DCST1: variants seen among roughly 807,000 people sequenced by gnomAD.
DCST1 encodes the protein E3 ubiquitin-protein ligase DCST1.
A neutral mutation model predicts 89.1 loss-of-function variants in DCST1; 78 were observed. The ratio of observed to expected loss-of-function variants is 0.88; its 90% CI spans 0.73 to 1.06. The LOEUF (loss-of-function observed/expected upper bound fraction) is 1.06, where lower values mean the gene tolerates loss of function less well. DCST1 is among the 50% of genes least tolerant of loss of function. The pLI, the probability that DCST1 is intolerant of heterozygous loss-of-function variation, is 0.00. For synonymous variants in DCST1, 364 were observed against 371.9 expected (o/e 0.98, Z 0.24); for missense variants, 900 against 928.6 (o/e 0.97, Z 0.40).
intron 14 of DCST1, among the ~76,000 whole-genome samples, chr1:155,047,513 G>C (rs545508986): frequency 1.3e-5 from 2 of 152,246 alleles, no homozygotes; most frequent in Admixed American, 1.3e-4. Flanking sequence ...AGTCAGAGGA[G>C]TCTGGAGGCC....
intron 4 of DCST1, among the ~76,000 whole-genome samples, chr1:155,037,134 T>C (rs1345403663): frequency 2.6e-5 from 4 of 152,186 alleles, no homozygotes; most frequent in Admixed American, 2.6e-4. Flanking sequence ...CATGCTTGTG[T>C]GCCAACATCG....
chr1:155,049,158 G>GGT (rs966330056), intron 16 of DCST1: 83 of 698,202 alleles, frequency 1.2e-4, no homozygotes, highest in Non-Finnish European at 1.9e-4. Context: ...CTATGACAAC[G>GGT]GTGTGACCTT....
At position 155,047,814 on chromosome 1, in the gene DCST1, A is replaced by T; in HGVS notation, c.1640A>T (p.Asp547Val). Residue 547 changes from aspartate to valine, a missense_variant, in exon 15 of 17, where the codon GAT becomes GTT. Transcript: ENST00000295542. ...MPCLPQPVGL[D>V]ARAYWRAAVP... ...TGCCTGCCCCAGCCTGTGGGCCTGG[A>T]TGCCAGGGCCTACTGGAGAGCTGCA... 1 of 1,614,136 alleles carries T rather than the reference A, an allele frequency of 6.2e-7. No individual in the cohort carries two copies. Among genetic ancestry groups the T allele is most frequent in the Non-Finnish European group, 8.5e-7 (1 of 1,180,030 alleles).
Position 155,045,892 on chromosome 1 carries a change from G to A in DCST1, c.1173-1G>A, listed in dbSNP as rs570244195. On this transcript the variant is annotated splice_acceptor_variant, in intron 10 of 16. Coordinates refer to ENST00000295542, the MANE Select transcript of DCST1 (RefSeq NM_152494.4). LOFTEE classifies it high-confidence loss of function. ...AGACATCCCTGCCCATCCACCCACAGGTCTTTCTCCTACATGGACAGCTAT... is the reference window on the plus strand; with the variant it reads ...AGACATCCCTGCCCATCCACCCACAAGTCTTTCTCCTACATGGACAGCTAT... 5.6e-6 allele frequency: 9 copies of A among 1,613,248 alleles called. No homozygotes were observed. Among genetic ancestry groups the A allele is most frequent in the Non-Finnish European group, 7.6e-6 (9 of 1,179,274 alleles).
At chr1:155,047,408 G>A in intron 14 of DCST1, 96 bp downstream of exon 14, 2 of 1,130,152 alleles carry the variant, frequency 1.8e-6, no homozygotes, top group Middle Eastern at 4.1e-4. Flanking sequence ...TGGGCCTTGG[G>A]TGTGGAGAGA....
chr1:155,047,643 A>G, intron 14 of DCST1, 144 bp from the exon 15 acceptor site: 1 of 710,252 alleles, frequency 1.4e-6, no homozygotes, highest in Non-Finnish European at 2.3e-6. Context: ...CAGTACTGAC[A>G]GGGCAGTTCT....
In DCST1 at chr1:155,048,057, C is replaced by G; in HGVS notation, c.1756C>G (p.Arg586Gly). Residue 586 changes from arginine (R) to glycine (G), a missense_variant and splice_region_variant, in exon 16 of 17, where the codon CGA (arginine) becomes GGA (glycine). Coordinates refer to ENST00000295542, the MANE Select transcript of DCST1 (RefSeq NM_152494.4). Reference sequence around the variant, plus strand: ...TCATTGACCCCCTTCCTGCCCCCAGCGAGAGAAGAAGCGGATCCTGTTCCT... The same window carrying G: ...TCATTGACCCCCTTCCTGCCCCCAGGGAGAGAAGAAGCGGATCCTGTTCCT... ...RVIAAFYFPKREKKRILFLYN... is the reference protein window; with the variant it reads ...RVIAAFYFPKGEKKRILFLYN... The G allele has an allele frequency of 6.2e-7, 1 of 1,613,870 alleles. No individual in the cohort carries two copies. Among genetic ancestry groups the G allele is most frequent in the African/African-American group, 1.3e-5 (1 of 74,990 alleles).
chr1:155,035,288 A>G (rs1296655097), intron 4 of DCST1: 3 of 154,216 alleles, frequency 1.9e-5, no homozygotes, highest in Non-Finnish European at 2.9e-5. Context: ...CAGCCTCCCA[A>G]GTAGCTGGGA....
chr1:155,040,232 G>A (rs1414582886), intron 5 of DCST1, among the ~76,000 whole-genome samples: 2 of 151,056 alleles, frequency 1.3e-5, no homozygotes, highest in Non-Finnish European at 2.9e-5. Context: ...GAGCCCGGGA[G>A]GCGGAGGTTG....
Position 155,041,495 on chromosome 1 carries a change from G to A in DCST1, c.630G>A (p.Glu210=), listed in dbSNP as rs759823827. The part of the protein sequence containing the change: ...QVNSETGYTP[E]DTMDSGETAQ... Reference sequence around the variant, plus strand: ...ATAGTGAGACGGGCTACACGCCTGAGGATACCATGGACTCAGGGGAGACAG... The same window carrying A: ...ATAGTGAGACGGGCTACACGCCTGAAGATACCATGGACTCAGGGGAGACAG... Residue 210 remains glutamate (E), a synonymous_variant, in exon 7 of 17, where the codon GAG becomes GAA. Transcript: ENST00000295542. 5.6e-5 allele frequency: 90 copies of A among 1,614,076 alleles called. No individual in the cohort carries two copies. The highest frequency in any genetic ancestry group is 7.2e-5 in the Non-Finnish European group (85 of 1,180,034).
intron 10 of DCST1, 55 bp from the exon 11 acceptor site, chr1:155,045,838 G>T (rs533073250): frequency 6.7e-7 from 1 of 1,487,128 alleles, no homozygotes; most frequent in Non-Finnish European, 9.4e-7. Flanking sequence ...CATGTTTGGG[G>T]ATAGATGAGG....
intron 11 of DCST1, 63 bp from the exon 12 acceptor site, chr1:155,046,062 A>G (rs1660612752): frequency 6.2e-7 from 1 of 1,613,756 alleles, no homozygotes; most frequent in African/African-American, 1.3e-5. Context: ...TGCTCCAGGA[A>G]GGCAGAGAGG....
chr1:155,047,436 G>C (rs1660689438), intron 14 of DCST1, 124 bp downstream of exon 14: 4 of 858,746 alleles, frequency 4.7e-6, no homozygotes, highest in Non-Finnish European at 7.4e-6. Flanking sequence ...TGGAGCGCTT[G>C]AGCTGGGGAA....
intron 14 of DCST1, 34 bp downstream of exon 14, chr1:155,047,346 C>A: frequency 6.3e-7 from 1 of 1,580,554 alleles, no homozygotes; most frequent in Non-Finnish European, 8.7e-7. Context: ...TCAGAGGAAT[C>A]GAGGGCGGTG....
At chr1:155,043,209 C>A in intron 9 of DCST1, 143 bp from the exon 10 acceptor site, 2 of 1,181,870 alleles carry the variant, frequency 1.7e-6, no homozygotes, top group Non-Finnish European at 2.4e-6. Context: ...GGGTGGTGAG[C>A]AGAAGGAAGT....
intron 14 of DCST1, 127 bp downstream of exon 14, chr1:155,047,439 C>T (rs1020295261): frequency 1.6e-5 from 13 of 831,318 alleles, no homozygotes; most frequent in African/African-American, 1.5e-4. Flanking sequence ...AGCGCTTGAG[C>T]TGGGGAAATC....
rs1660205274 is a variant in DCST1 at position 155,034,496 on chromosome 1, G to T, written c.123G>T (p.Gln41His). The T allele has an allele frequency of 6.2e-7, 1 of 1,613,606 alleles. No individual in the cohort carries two copies. The highest frequency in any genetic ancestry group is 8.5e-7 in the Non-Finnish European group (1 of 1,179,892). Residue 41 changes from glutamine to histidine, a missense_variant, in exon 3 of 17, where the codon CAG (glutamine) becomes CAT (histidine). By Grantham distance (24) the Gln-to-His change is conservative (BLOSUM62 0). Transcript: ENST00000295542. ...PVSCSWFLWR[Q>H]PGEFPVTALL... ...CCTGTAGCTGGTTCCTGTGGCGCCA[G>T]CCGGGCGAGTTTCCTGTCACTGCTC...
At chr1:155,039,675 C>T in intron 5 of DCST1, 144 bp downstream of exon 5, 1 of 1,131,590 alleles carries the variant, frequency 8.8e-7, no homozygotes, top group Non-Finnish European at 1.2e-6. Context: ...GGGAGCTCCT[C>T]CCCATATCTG....
intron 13 of DCST1, among the ~76,000 whole-genome samples, 192 bp downstream of exon 13, chr1:155,046,678 T>A (rs1243055836): frequency 7.7e-6 from 1 of 129,508 alleles, no homozygotes. Flanking sequence ...CAATCTCAGC[T>A]CACTGCAACC....
Sources: gnomAD v4.1 joint callset for allele counts (sites outside exome capture counted in the v4.1 genomes callset) on GRCh38, gnomAD v4.1.1 for gene constraint, MANE v1.5 for transcripts, NCBI Gene and HGNC (gene_info 2026-07-23, HGNC 2026-07-21) for gene names.